The following PSMA6 variants were observed in gnomAD, a reference collection of about 807,000 sequenced individuals.
PSMA6 encodes the protein proteasome subunit alpha type-6.
For missense variants in PSMA6, 170 were observed against 294.8 expected (o/e 0.58, Z 3.10); for synonymous variants, 88 against 97.7 (o/e 0.90, Z 0.59).
At chr14:35,308,179 T>C in intron 2 of PSMA6, 91 bp downstream of exon 2, 1 of 1,523,994 alleles carries the variant, frequency 6.6e-7, no homozygotes, top group South Asian at 1.2e-5. Flanking sequence ...CCCAGCACTT[T>C]GGGAGGCTGA....
At chr14:35,311,762 G>A (rs1450814358) in intron 4 of PSMA6, among the ~76,000 whole-genome samples, 1 of 152,102 alleles carries the variant, frequency 6.6e-6, no homozygotes, top group Non-Finnish European at 1.5e-5. Flanking sequence ...AAAGTTACAT[G>A]TATAGAATTT....
intron 1 of PSMA6, among the ~76,000 whole-genome samples, chr14:35,304,304 A>T (rs903550936): frequency 5.3e-5 from 8 of 152,132 alleles, no homozygotes; most frequent in African/African-American, 1.9e-4. Context: ...ATACAGGAGG[A>T]TATACATAGG....
chr14:35,306,275 A>T (rs2051825196), intron 1 of PSMA6, among the ~76,000 whole-genome samples: 1 of 150,742 alleles, frequency 6.6e-6, no homozygotes. Context: ...AATATTGCAG[A>T]GGCTGTCCTG....
At chr14:35,293,800 T>A (rs530176549) in intron 1 of PSMA6, among the ~76,000 whole-genome samples, 1 of 152,368 alleles carries the variant, frequency 6.6e-6, no homozygotes, top group Admixed American at 6.5e-5. Flanking sequence ...TTTCGTATAT[T>A]AGACTACTGC....
chr14:35,287,782 C>G (rs2051437154), upstream of PSMA6, among the ~76,000 whole-genome samples: 1 of 152,138 alleles, frequency 6.6e-6, no homozygotes, highest in Non-Finnish European at 1.5e-5. Context: ...GTCTGCCACC[C>G]AGGCTTGTGT....
chr14:35,315,698 G>C (rs995139299), intron 6 of PSMA6: 2 of 144,918 alleles, frequency 1.4e-5, no homozygotes, highest in Non-Finnish European at 3.0e-5. Flanking sequence ...TTTGAAAAAG[G>C]TGCCTTTTTT....
At chr14:35,296,411 A>G (rs1389191174) in intron 1 of PSMA6, among the ~76,000 whole-genome samples, 1 of 152,078 alleles carries the variant, frequency 6.6e-6, no homozygotes, top group East Asian at 1.9e-4. Flanking sequence ...GCTCACTGCA[A>G]CCTCTGCCTT....
At chr14:35,278,621 C>T (rs560337378), upstream of PSMA6, 102 of 1,476,512 alleles carry the variant, frequency 6.9e-5, no homozygotes, top group African/African-American at 1.3e-3. Flanking sequence ...TGCGGCTCTG[C>T]TGGAGCAGGG....
intron 6 of PSMA6, chr14:35,316,108 A>G (rs868658001): frequency 5.3e-5 from 8 of 151,896 alleles, no homozygotes; most frequent in Middle Eastern, 3.4e-3. Context: ...GTTCAGGGCC[A>G]CACATGGTGG....
In PSMA6 at chr14:35,308,923, T is replaced by C. The variant is rs367634774; in HGVS notation, c.181T>C (p.Leu61=). Residue 61 remains leucine, a synonymous_variant, in exon 3 of 7, where the codon TTG becomes CTG. Transcript: ENST00000261479. ...TTATTTTGTTTATTAGGACAAATTA[T>C]TGGATTCCAGCACAGTGACTCACTT... ...VTQKKVPDKL[L]DSSTVTHLFK... 1.1e-5 allele frequency: 18 copies of C among 1,603,406 alleles called. No homozygotes were observed. Among genetic ancestry groups the C allele is most frequent in the Admixed American group, 1.7e-5 (1 of 58,582 alleles).
At chr14:35,312,843 A>G (rs774772150) in intron 4 of PSMA6, 38 bp from the exon 5 acceptor site, 18 of 1,534,688 alleles carry the variant, frequency 1.2e-5, no homozygotes, top group Non-Finnish European at 1.6e-5. Flanking sequence ...TCATTGTATA[A>G]AGCTAAAACA....
At chr14:35,284,887 G>A (rs1422993774) in intron 1 of PSMA6, among the ~76,000 whole-genome samples, 1 of 152,204 alleles carries the variant, frequency 6.6e-6, no homozygotes, top group Non-Finnish European at 1.5e-5. Flanking sequence ...CTATGTACTT[G>A]TAAGACATCA....
chr14:35,289,475 G>A (rs1212639296), upstream of PSMA6, among the ~76,000 whole-genome samples: 1 of 151,960 alleles, frequency 6.6e-6, no homozygotes, highest in Non-Finnish European at 1.5e-5. Flanking sequence ...GGGATTACAG[G>A]TGCACACCAT....
rs912559145 is a variant in PSMA6, at chr14:35,308,693, G to A, written c.172-221G>A. On this transcript the variant is annotated intron_variant, in intron 2 of 6. Coordinates refer to ENST00000261479, the MANE Select transcript of PSMA6 (RefSeq NM_002791.3). The stretch of plus-strand genomic sequence containing the variant: ...TTTATTAAGCTATTGCTTGTCCACA[G>A]GAAAAGTATCATCTAGAAAAGGTAA... 5 of 447,804 alleles carry A rather than the reference G, an allele frequency of 1.1e-5. No homozygotes were observed. The Admixed American group carries it at 1.2e-4, about 11-fold the overall frequency. The allele number at this position is 447,804 out of a possible 1,614,324, so 27.7% of individuals were successfully genotyped here.
At chr14:35,312,491 A>G (rs2051962347) in intron 4 of PSMA6, among the ~76,000 whole-genome samples, 3 of 134,044 alleles carry the variant, frequency 2.2e-5, no homozygotes, top group East Asian at 2.1e-4. Flanking sequence ...TGGGAGACAG[A>G]GCGAGAGTCT....
In PSMA6 at chr14:35,314,239, A is replaced by G. The variant is rs1213452372; in HGVS notation, c.589-122A>G. ...TAGAGTTAAGCAGTCTGTTAGTAAC[A>G]TTGAACTACCTCATTGAAACATGGA... is the stretch of plus-strand genomic sequence containing the variant. On this transcript the variant is annotated intron_variant, in intron 5 of 6. Transcript: ENST00000261479. 4.2e-6 allele frequency: 5 copies of G among 1,183,350 alleles called. No homozygotes were observed. In the South Asian group the frequency reaches 7.5e-5, roughly 18 times the overall value. The allele number at this position is 1,183,350 out of a possible 1,614,324, so 73.3% of individuals were successfully genotyped here. A position where few individuals can be genotyped will look rare whatever the true frequency, so the allele number is the denominator to read the frequency against.
chr14:35,291,259 C>T (rs1422082867), upstream of PSMA6, among the ~76,000 whole-genome samples: 7 of 151,530 alleles, frequency 4.6e-5, no homozygotes, highest in African/African-American at 1.7e-4. Context: ...GCTCTGTCGC[C>T]CAGGCTGGAG....
chr14:35,314,123 T>G, intron 5 of PSMA6: 1 of 251,362 alleles, frequency 4.0e-6, no homozygotes, highest in Non-Finnish European at 7.4e-6. Context: ...CCAATAAACC[T>G]TTTTGTATAA....
intron 1 of PSMA6, among the ~76,000 whole-genome samples, chr14:35,279,600 A>G (rs1489147979): frequency 6.6e-6 from 1 of 152,190 alleles, no homozygotes; most frequent in African/African-American, 2.4e-5. Flanking sequence ...TCCTTGATGT[A>G]ATGGGTCTTT....
Sources: allele counts gnomAD v4.1 joint callset (sites outside exome capture counted in the v4.1 genomes callset), GRCh38; gene constraint gnomAD v4.1.1; transcripts MANE v1.5; gene names NCBI Gene and HGNC (gene_info 2026-07-23, HGNC 2026-07-21).